Variants in LRRK1 observed in about 807,000 individuals in gnomAD.
The protein encoded by LRRK1 is leucine-rich repeat serine/threonine-protein kinase 1.
Under a neutral mutation model 209.1 loss-of-function variants are expected in LRRK1, and 113 were observed. The observed-to-expected ratio is 0.54, with a 90% CI of 0.46 to 0.63. The LOEUF (loss-of-function observed/expected upper bound fraction) is 0.63, where lower values mean the gene tolerates loss of function less well. Among genes scored for constraint, LRRK1 ranks in the 30% least tolerant of loss-of-function variants. The pLI is 0.00. For synonymous variants in LRRK1, 1,144 were observed against 1,099.7 expected, an observed-to-expected ratio of 1.04 and a Z score of -0.80; for missense variants, 2,284 against 2,632.2, an observed-to-expected ratio of 0.87 and a Z score of 2.89.
At chr15:101,010,252 G>A (rs1318617245) in intron 7 of LRRK1, among the ~76,000 whole-genome samples, 198 bp from the exon 8 acceptor site, 1 of 151,710 alleles carries the variant, frequency 6.6e-6, no homozygotes, top group Non-Finnish European at 1.5e-5. Flanking sequence ...TGAGAGGTTT[G>A]TCTTTATCTA....
At chr15:100,955,625 G>A (rs2042737343) in intron 2 of LRRK1, among the ~76,000 whole-genome samples, 1 of 152,162 alleles carries the variant, frequency 6.6e-6, no homozygotes, top group Admixed American at 6.5e-5. Flanking sequence ...CTGTAGGCTT[G>A]TTTTATATGG....
intron 12 of LRRK1, among the ~76,000 whole-genome samples, chr15:101,015,817 C>T (rs937864277): frequency 3.3e-5 from 5 of 152,126 alleles, no homozygotes; most frequent in South Asian, 2.1e-4. Context: ...AAAATACCAC[C>T]GACCGAGTGC....
intron 2 of LRRK1, among the ~76,000 whole-genome samples, chr15:100,943,120 G>GT (rs2042474714): frequency 6.6e-6 from 1 of 152,196 alleles, no homozygotes; most frequent in Admixed American, 6.5e-5. Flanking sequence ...AACAGTCTAT[G>GT]TAAAGTGAAT....
Position 101,008,930 on chromosome 15 carries a change from T to C in LRRK1, c.856T>C (p.Ser286Pro), listed in dbSNP as rs779802602. ...CTGCCAGATCACGGAGCTCGACCTT[T>C]CTGCCAACTGCCTGGCGACCCTCCC... ...ISCQITELDL[S>P]ANCLATLPSV... Residue 286 changes from serine to proline, a missense_variant, in exon 7 of 34, where the codon TCT (serine) becomes CCT (proline). Ser to Pro is a moderately conservative substitution (Grantham distance 74, BLOSUM62 -1). Transcript: ENST00000388948. The C allele has an allele frequency of 5.9e-5, 96 of 1,614,060 alleles. No homozygotes were observed. Among genetic ancestry groups the C allele is most frequent in the Non-Finnish European group, 7.8e-5 (92 of 1,180,030 alleles).
At chr15:101,038,911 C>A (rs537989076) in intron 20 of LRRK1, among the ~76,000 whole-genome samples, 1 of 152,292 alleles carries the variant, frequency 6.6e-6, no homozygotes, top group East Asian at 1.9e-4. Flanking sequence ...TTAAGGTCCA[C>A]CCAGATAATG....
chr15:101,018,330 T>A (rs1395361705), intron 12 of LRRK1, among the ~76,000 whole-genome samples: 1 of 152,224 alleles, frequency 6.6e-6, no homozygotes, highest in Non-Finnish European at 1.5e-5. Context: ...ATTTCATAAC[T>A]GATCCTTTTA....
At position 100,993,786 on chromosome 15, in the gene LRRK1, T is replaced by A. The variant is rs181194483; in HGVS notation, c.762+4388T>A. Among the ~76,000 whole-genome samples, 1,322 of 152,354 alleles carry A rather than the reference T, an allele frequency of 8.7e-3. 11 individuals are homozygous for A. The highest frequency in any genetic ancestry group is 0.014 in the Non-Finnish European group (934 of 68,030). On this transcript the variant is annotated intron_variant, in intron 6 of 33. Coordinates refer to ENST00000388948, the MANE Select transcript of LRRK1 (RefSeq NM_024652.6). ...ACAACCTGTCCTATTAGTATATATT[T>A]TTCCATCTCTTTAATTTATATTTAT...
intron 6 of LRRK1, 180 bp downstream of exon 6, chr15:100,989,578 T>A: frequency 1.6e-6 from 1 of 640,028 alleles, no homozygotes; most frequent in Non-Finnish European, 2.7e-6. Context: ...GATATGAAGG[T>A]GGAGGGCAAG....
chr15:100,941,328 CTG>C (rs1491189485), intron 2 of LRRK1, among the ~76,000 whole-genome samples: 12 of 82,716 alleles, frequency 1.5e-4, no homozygotes, highest in Middle Eastern at 8.1e-3. Flanking sequence ...GTGTGTGTGT[CTG>C]TGTCTCTGTG....
chr15:101,030,183 T>A (rs1390558317), intron 20 of LRRK1, among the ~76,000 whole-genome samples: 1 of 152,092 alleles, frequency 6.6e-6, no homozygotes, highest in Non-Finnish European at 1.5e-5. Flanking sequence ...TTTGTGCTGG[T>A]CGCCAGGTAG....
At chr15:101,052,857 C>A in intron 24 of LRRK1, 65 bp from the exon 25 acceptor site, 1 of 1,540,276 alleles carries the variant, frequency 6.5e-7, no homozygotes, top group Non-Finnish European at 8.8e-7. Flanking sequence ...GGGCAAATGA[C>A]CCAGCCCAGG....
intron 6 of LRRK1, among the ~76,000 whole-genome samples, chr15:101,008,067 C>T (rs2033045731): frequency 7.1e-6 from 1 of 141,386 alleles, no homozygotes; most frequent in Non-Finnish European, 1.5e-5. Flanking sequence ...CGCTTGAACC[C>T]GGGAAGCGGC....
intron 6 of LRRK1, among the ~76,000 whole-genome samples, chr15:100,994,291 G>A (rs1353731505): frequency 6.6e-6 from 1 of 152,212 alleles, no homozygotes; most frequent in Non-Finnish European, 1.5e-5. Context: ...GTTTCACATA[G>A]ACGAATGATT....
chr15:100,953,205 C>A (rs766308244), intron 2 of LRRK1, among the ~76,000 whole-genome samples: 2 of 152,094 alleles, frequency 1.3e-5, no homozygotes, highest in East Asian at 3.9e-4. Flanking sequence ...ACTATATACT[C>A]AACAGGCTGT....
At chr15:101,021,432 C>A (rs779188987) in intron 13 of LRRK1, among the ~76,000 whole-genome samples, 1 of 152,314 alleles carries the variant, frequency 6.6e-6, no homozygotes, top group East Asian at 1.9e-4. Context: ...CTCAATCATT[C>A]ATCCTTTCAT....
chr15:100,960,050 T>A (rs959934353), intron 2 of LRRK1, among the ~76,000 whole-genome samples: 3 of 152,074 alleles, frequency 2.0e-5, no homozygotes, highest in African/African-American at 7.2e-5. Flanking sequence ...AATATAACAA[T>A]GTTGTTATAG....
At chr15:101,049,517 G>T in intron 22 of LRRK1, 127 bp from the exon 23 acceptor site, 1 of 1,058,726 alleles carries the variant, frequency 9.4e-7, no homozygotes, top group Non-Finnish European at 1.4e-6. Flanking sequence ...GTCCCCCATC[G>T]GTCCTGCAGG....
intron 31 of LRRK1, among the ~76,000 whole-genome samples, chr15:101,063,324 A>C (rs991022255): frequency 2.0e-5 from 3 of 151,746 alleles, no homozygotes; most frequent in Admixed American, 2.0e-4. Context: ...TGGGCCCGGC[A>C]CCCTCCCCAC....
chr15:100,924,427 A>G, intron 1 of LRRK1, 84 bp from the exon 2 acceptor site: 1 of 572,878 alleles, frequency 1.7e-6, no homozygotes, highest in Non-Finnish European at 3.1e-6. Flanking sequence ...CAGAGGGAAA[A>G]CTAAATGAAC....
Sources: allele counts gnomAD v4.1 joint callset (sites outside exome capture counted in the v4.1 genomes callset), GRCh38; gene constraint gnomAD v4.1.1; transcripts MANE v1.5; gene names NCBI Gene and HGNC (gene_info 2026-07-23, HGNC 2026-07-21).